PNPLA1: variants seen among roughly 807,000 people sequenced by gnomAD.
PNPLA1 encodes the protein omega-hydroxyceramide transacylase.
Under a neutral mutation model 51.7 loss-of-function variants are expected in PNPLA1, and 36 were observed. The ratio of observed to expected loss-of-function variants is 0.70; its 90% CI spans 0.53 to 0.92. PNPLA1 has a LOEUF of 0.92. Ranked by LOEUF, PNPLA1 falls within the 40% of genes least tolerant of loss-of-function variation. The pLI is 0.00. For synonymous variants in PNPLA1, 293 were observed against 280.1 expected (o/e 1.05, Z -0.46); for missense variants, 658 against 682.5 (o/e 0.96, Z 0.40).
At chr6:36,267,436 G>A (rs1446450370), upstream of PNPLA1, among the ~76,000 whole-genome samples, 1 of 152,214 alleles carries the variant, frequency 6.6e-6, no homozygotes, top group Admixed American at 6.5e-5. Flanking sequence ...ATTTCTGGCT[G>A]GCGTGTTTGC....
intron 6 of PNPLA1, 74 bp downstream of exon 6, chr6:36,302,543 C>T: frequency 6.7e-7 from 1 of 1,497,112 alleles, no homozygotes; most frequent in East Asian, 2.3e-5. Flanking sequence ...GACACCAGGG[C>T]TGATAACCGC....
intron 1 of PNPLA1, among the ~76,000 whole-genome samples, chr6:36,261,091 A>T (rs942909093): frequency 3.3e-5 from 5 of 152,210 alleles, no homozygotes; most frequent in African/African-American, 1.2e-4. Context: ...GGCTTCCCAA[A>T]GTGCTGGGAT....
chr6:36,254,747 C>T (rs1463127229), intron 1 of PNPLA1, among the ~76,000 whole-genome samples: 1 of 152,048 alleles, frequency 6.6e-6, no homozygotes, highest in Admixed American at 6.5e-5. Flanking sequence ...GGATTCAGGC[C>T]CCTCTCAGGG....
intron 1 of PNPLA1, among the ~76,000 whole-genome samples, chr6:36,272,677 C>T (rs538922013): frequency 7.2e-5 from 11 of 152,194 alleles, no homozygotes; most frequent in Non-Finnish European, 1.5e-4. Flanking sequence ...GGATTCAGGA[C>T]GTGCTTTGAA....
intron 5 of PNPLA1, among the ~76,000 whole-genome samples, chr6:36,298,242 G>C (rs535507434): frequency 1.3e-5 from 2 of 152,278 alleles, no homozygotes; most frequent in African/African-American, 4.8e-5. Context: ...CCAGTCCCCT[G>C]TTGATGGACA....
chr6:36,272,370 C>T (rs1334842710), intron 1 of PNPLA1, among the ~76,000 whole-genome samples: 5 of 152,184 alleles, frequency 3.3e-5, no homozygotes, highest in African/African-American at 4.8e-5. Flanking sequence ...GGAGCTCAGG[C>T]GGTAATGTGA....
chr6:36,246,137 T>C (rs1288167745), intron 1 of PNPLA1, among the ~76,000 whole-genome samples: 2 of 152,074 alleles, frequency 1.3e-5, no homozygotes, highest in African/African-American at 4.8e-5. Context: ...AGGGCTGGTA[T>C]CACCCCTGCT....
In PNPLA1 at chr6:36,312,474, G is replaced by A. The variant is rs1482752942; in HGVS notation, c.*588G>A. Among the ~76,000 whole-genome samples the A allele has an allele frequency of 6.6e-6, 1 of 152,178 alleles. No individual in the cohort carries two copies. The highest frequency in any genetic ancestry group is 6.5e-5 in the Admixed American group (1 of 15,286). On this transcript the variant is annotated 3_prime_UTR_variant, in exon 9 of 9. Transcript: ENST00000636260. ...TATAACAGGCCTGGCTACCTGCTGA[G>A]GGTTGCCCAAGGTGTATGAACCTGT... is the stretch of plus-strand genomic sequence containing the variant.
At chr6:36,274,680 A>G (rs1403895089) in intron 1 of PNPLA1, among the ~76,000 whole-genome samples, 1 of 152,228 alleles carries the variant, frequency 6.6e-6, no homozygotes, top group Non-Finnish European at 1.5e-5. Context: ...CAAGCAGCAG[A>G]TATGAGTTCT....
chr6:36,297,107 A>T (rs1000531108), intron 5 of PNPLA1, among the ~76,000 whole-genome samples: 2 of 152,182 alleles, frequency 1.3e-5, no homozygotes, highest in African/African-American at 2.4e-5. Context: ...CACTTCAGGA[A>T]TCTGTCCCCA....
rs879226697 is a variant in PNPLA1 at position 36,291,502 on chromosome 6, G to A, written c.388G>A (p.Gly130Arg). The change falls in exon 2 of 9, where the codon GGG (glycine) becomes AGG (arginine). Residue 130 changes from glycine to arginine, a missense_variant. Coordinates refer to ENST00000636260, the MANE Select transcript of PNPLA1 (RefSeq NM_001374623.1). The part of the protein sequence containing the change: ...LHVSLTRLTD[G>R]ENVVVSEFTS... ...TGTGAGCCTCACCCGCTTAACGGAC[G>A]GGGAGAATGTGGTGGTTTCAGAGTT... The A allele has an allele frequency of 4.3e-6, 7 of 1,609,834 alleles. No homozygotes were observed. Among genetic ancestry groups the A allele is most frequent in the African/African-American group, 1.3e-5 (1 of 74,710 alleles).
intron 2 of PNPLA1, among the ~76,000 whole-genome samples, chr6:36,292,144 T>A (rs200034698): frequency 6.6e-6 from 1 of 152,034 alleles, no homozygotes; most frequent in East Asian, 1.9e-4. Flanking sequence ...GACAAAGGGG[T>A]TAAGCTGTGT....
chr6:36,302,242 G>T lies in PNPLA1; in HGVS notation c.1157G>T (p.Gly386Val). 6.2e-7 allele frequency: 1 copy of T among 1,614,142 alleles called. No homozygotes were observed. The highest frequency in any genetic ancestry group is 8.5e-7 in the Non-Finnish European group (1 of 1,180,026). ...AVHKPPSSTP[G>V]SSLPTPPPGL... ...CACAAGCCACCCAGCTCCACACCTGGTTCATCACTGCCCACCCCACCACCT... is the reference window on the plus strand; with the variant it reads ...CACAAGCCACCCAGCTCCACACCTGTTTCATCACTGCCCACCCCACCACCT... The change falls in exon 6 of 9, where the codon GGT becomes GTT. Residue 386 changes from glycine to valine, a missense_variant. Coordinates refer to ENST00000636260, the MANE Select transcript of PNPLA1 (RefSeq NM_001374623.1).
At chr6:36,300,999 C>T (rs555727061) in intron 5 of PNPLA1, among the ~76,000 whole-genome samples, 69 of 152,258 alleles carry the variant, frequency 4.5e-4, no homozygotes, top group Middle Eastern at 6.8e-3. Flanking sequence ...TCAAATTGTT[C>T]CAGCTTTGGC....
chr6:36,267,799 T>G (rs1421315561), upstream of PNPLA1, among the ~76,000 whole-genome samples: 1 of 152,036 alleles, frequency 6.6e-6, no homozygotes, highest in Non-Finnish European at 1.5e-5. Context: ...CCCCCATGGA[T>G]AGTGCCCATG....
intron 8 of PNPLA1, among the ~76,000 whole-genome samples, chr6:36,311,407 C>T (rs989819950): frequency 2.6e-5 from 4 of 152,110 alleles, no homozygotes; most frequent in African/African-American, 9.7e-5. Flanking sequence ...ATGGAGGTAG[C>T]GGAGAGGCCT....
At chr6:36,296,363 C>G (rs962561487) in intron 5 of PNPLA1, among the ~76,000 whole-genome samples, 4 of 152,188 alleles carry the variant, frequency 2.6e-5, no homozygotes, top group African/African-American at 9.6e-5. Flanking sequence ...AAGGGTTTAC[C>G]TAATGTTACA....
At position 36,294,389 on chromosome 6, in the gene PNPLA1, C is replaced by T. The variant is rs376245108; in HGVS notation, c.704C>T (p.Pro235Leu). Residue 235 changes from proline (P) to leucine (L), a missense_variant, in exon 4 of 9, where the codon CCG becomes CTG. Transcript: ENST00000636260. The surrounding 1 kb of genome is among the most constrained non-coding windows in gnomAD (Gnocchi z 4.2). ...AGGATGACCCACGCATTGTTCCCCC[C>T]GGACCTGGTGGTGAGAGGCAGGAGG... is the stretch of plus-strand genomic sequence containing the variant. ...IARMTHALFPPDLVILHDYYY... is the reference protein window; with the variant it reads ...IARMTHALFPLDLVILHDYYY... The T allele has an allele frequency of 5.6e-6, 9 of 1,613,834 alleles. No homozygotes were observed. Among genetic ancestry groups the T allele is most frequent in the East Asian group, 4.5e-5 (2 of 44,896 alleles).
chr6:36,262,884 G>A (rs1475900094), intron 1 of PNPLA1, among the ~76,000 whole-genome samples: 3 of 152,118 alleles, frequency 2.0e-5, no homozygotes, highest in South Asian at 2.1e-4. Context: ...GTTATTTCTG[G>A]ATATTTGCTA....
Sources: allele counts gnomAD v4.1 joint callset (sites outside exome capture counted in the v4.1 genomes callset), GRCh38; gene constraint gnomAD v4.1.1; non-coding constraint Gnocchi (gnomAD v3.1); transcripts MANE v1.5; gene names NCBI Gene and HGNC (gene_info 2026-07-23, HGNC 2026-07-21).